The following CXCL12 variants were observed in gnomAD, a reference collection of about 807,000 sequenced individuals.
CXCL12 encodes stromal cell-derived factor 1.
In CXCL12, 4 loss-of-function variants were observed where a neutral mutation model predicts 10.7. That is an observed-to-expected ratio of 0.37 (90% CI 0.18 to 0.86). The LOEUF (loss-of-function observed/expected upper bound fraction) is 0.86. Among genes scored for constraint, CXCL12 ranks in the 40% least tolerant of loss-of-function variants. CXCL12 has a pLI of 0.43. For synonymous variants in CXCL12, 54 were observed against 45.4 expected, an observed-to-expected ratio of 1.19 and a Z score of -0.77; for missense variants, 122 against 110.4, an observed-to-expected ratio of 1.10 and a Z score of -0.47.
rs750326507 is a variant in CXCL12, at chr10:44,378,607, C to A, written c.*26G>T. ...TTTAGTTTTCCTCGAGTGGGTCTAG[C>A]GGAAAGTCCTTTTTGGCTGTTGTGC... is the stretch of plus-strand genomic sequence containing the variant. On this transcript the variant is annotated 3_prime_UTR_variant, in exon 3 of 3. Transcript: ENST00000343575. 1 of 1,613,966 alleles carries A rather than the reference C, an allele frequency of 6.2e-7. No homozygotes were observed. The highest frequency in any genetic ancestry group is 1.1e-5 in the South Asian group (1 of 91,068).
In CXCL12 at chr10:44,380,851, G is replaced by A. The variant is rs1839609248; in HGVS notation, c.91C>T (p.Pro31Ser). The A allele has an allele frequency of 6.2e-7, 1 of 1,614,200 alleles. No individual in the cohort carries two copies. Among genetic ancestry groups the A allele is most frequent in the Non-Finnish European group, 8.5e-7 (1 of 1,180,042 alleles). ...GKPVSLSYRC[P>S]CRFFESHVAR... ...ACATGGCTTTCGAAGAATCGGCATG[G>A]GCATCTGTAGCTCAGGCTGACGGGC... Residue 31 changes from proline (P) to serine (S), a missense_variant, in exon 2 of 3, where the codon CCA becomes TCA. By Grantham distance (74) the Pro-to-Ser change is moderately conservative. Transcript: ENST00000343575.
Position 44,377,855 on chromosome 10 carries a change from G to A in CXCL12, c.*778C>T, listed in dbSNP as rs1469712458. The A allele has an allele frequency of 1.3e-6, 2 of 1,588,314 alleles. No individual in the cohort carries two copies. The highest frequency in any genetic ancestry group is 2.3e-5 in the East Asian group (1 of 44,440). ...GGCCCTGGGAGGAGAGGGATGCAGG[G>A]CACGAGCCCCAGCAATCACCCTCTT... On this transcript the variant is annotated 3_prime_UTR_variant, in exon 3 of 3. Transcript: ENST00000343575.
chr10:44,370,379 T>A (rs1338906553), exon 4 of CXCL12: 1 of 152,596 alleles, frequency 6.6e-6, no homozygotes, highest in Non-Finnish European at 1.5e-5. Context: ...ATTCATCACA[T>A]TTAACACTGA....
downstream of CXCL12, chr10:44,376,134 G>A: frequency 7.6e-7 from 1 of 1,312,660 alleles, no homozygotes; most frequent in African/African-American, 1.5e-5. Flanking sequence ...GTTAAACTGT[G>A]CCTTCAGTCT....
Position 44,378,647 on chromosome 10 carries a change from C to A in CXCL12, c.256G>T (p.Ala86Ser), listed in dbSNP as rs151112059. ...LKWIQEYLEK[A>S]LNK ...GGCTGTTGTGCTTACTTGTTTAAAG[C>A]TTTCTCCAGGTACTCCTGAATCCAC... Residue 86 changes from alanine (A) to serine (S), a missense_variant, in exon 3 of 3, where the codon GCT becomes TCT. Transcript: ENST00000343575. 122 of 1,614,074 alleles carry A rather than the reference C, an allele frequency of 7.6e-5. No homozygotes were observed. Among genetic ancestry groups the A allele is most frequent in the Non-Finnish European group, 1.0e-4 (120 of 1,180,046 alleles).
chr10:44,377,258 T>C lies in CXCL12; in HGVS notation c.*1375A>G, dbSNP rs1353937804. ...GCTGCAATCACATTTATATATCATA[T>C]ATATTTCTTTACAAATTGCCAGTAG... On this transcript the variant is annotated 3_prime_UTR_variant, in exon 3 of 3. Transcript: ENST00000343575. 7.0e-6 allele frequency: 7 copies of C among 1,001,790 alleles called. No individual in the cohort carries two copies. Among genetic ancestry groups the C allele is most frequent in the East Asian group, 1.1e-4 (1 of 9,022 alleles). The allele number at this position is 1,001,790 out of a possible 1,614,324, so 62.1% of individuals were successfully genotyped here. A position where few individuals can be genotyped will look rare whatever the true frequency, so the allele number is the denominator to read the frequency against.
At chr10:44,383,711 G>C (rs973904459) in intron 1 of CXCL12, among the ~76,000 whole-genome samples, 3 of 148,398 alleles carry the variant, frequency 2.0e-5, no homozygotes, top group Admixed American at 1.4e-4. Flanking sequence ...CACTTAGGCA[G>C]TCCGCCACGA....
At chr10:44,384,802 A>T in intron 1 of CXCL12, 143 bp downstream of exon 1, 6 of 763,888 alleles carry the variant, frequency 7.9e-6, no homozygotes, top group Non-Finnish European at 9.9e-6. Flanking sequence ...ACCGCACCAG[A>T]GCGCCCAGCT....
chr10:44,373,150 A>G (rs1839357714), downstream of CXCL12: 1 of 1,536,970 alleles, frequency 6.5e-7, no homozygotes, highest in Non-Finnish European at 8.8e-7. Context: ...AATGAAAAAT[A>G]AATGTCATGT....
Position 44,380,751 on chromosome 10 carries a change from T to A in CXCL12, c.179+12A>T, listed in dbSNP as rs748832547. On this transcript the variant is annotated intron_variant, in intron 2 of 2. Transcript: ENST00000343575. ...CTATGTTCGTTAGATGATGTTCAAT[T>A]TCAAGACTTACACAATCTGAAGGGC... is the stretch of plus-strand genomic sequence containing the variant. 19 of 1,600,704 alleles carry A rather than the reference T, an allele frequency of 1.2e-5. No individual in the cohort carries two copies. Among genetic ancestry groups the A allele is most frequent in the Admixed American group, 1.7e-5 (1 of 59,996 alleles).
chr10:44,371,246 T>A (rs1393701794), downstream of CXCL12: 3 of 304,486 alleles, frequency 9.9e-6, no homozygotes, highest in East Asian at 1.2e-4. Flanking sequence ...TTTTCTCCCA[T>A]GGAGGAGAAA....
exon 4 of CXCL12, chr10:44,370,243 ATTG>A (rs1373110928): frequency 1.3e-5 from 2 of 152,518 alleles, no homozygotes; most frequent in East Asian, 3.9e-4. Context: ...CAAAGTAGAA[ATTG>A]TTGTTTCTCA....
chr10:44,384,446 A>G (rs1297776117), intron 1 of CXCL12, among the ~76,000 whole-genome samples: 2 of 152,184 alleles, frequency 1.3e-5, no homozygotes, highest in Non-Finnish European at 2.9e-5. Flanking sequence ...GCGCGGCTGC[A>G]TCGGACCTCA....
exon 4 of CXCL12, chr10:44,370,627 G>C (rs1013762211): frequency 2.0e-5 from 3 of 152,246 alleles, no homozygotes; most frequent in African/African-American, 7.2e-5. Context: ...CAGTCAGGGA[G>C]CCCACGGTGA....
intron 2 of CXCL12, among the ~76,000 whole-genome samples, chr10:44,379,119 T>C (rs2839693): frequency 0.83 from 126,838 of 151,986 alleles, 53,232 homozygotes; most frequent in Admixed American, 0.91. Flanking sequence ...ATGCTCTAGG[T>C]ACCTGGGGAG....
chr10:44,381,812 G>A (rs1839640721), intron 1 of CXCL12, among the ~76,000 whole-genome samples: 1 of 152,092 alleles, frequency 6.6e-6, no homozygotes. Flanking sequence ...TTGAACTTGT[G>A]GATCCTTTCA....
intron 2 of CXCL12, 149 bp downstream of exon 2, chr10:44,380,611 CATG>C (rs898161853): frequency 1.4e-6 from 1 of 721,610 alleles, no homozygotes; most frequent in Non-Finnish European, 2.5e-6. Flanking sequence ...TAAAGGTCCT[CATG>C]ATAAGAATAG....
chr10:44,377,716 A>C lies in CXCL12; in HGVS notation c.*917T>G. 5 of 1,598,118 alleles carry C rather than the reference A, an allele frequency of 3.1e-6. No individual in the cohort carries two copies. Among genetic ancestry groups the C allele is most frequent in the Non-Finnish European group, 4.2e-6 (5 of 1,179,738 alleles). ...TTTAAAATTGCATTTGATTCTGTAA[A>C]GACTTGTCTTTTGCGGGTAAGCAGG... On this transcript the variant is annotated 3_prime_UTR_variant, in exon 3 of 3. Transcript: ENST00000343575.
Position 44,377,520 on chromosome 10 carries a change from G to A in CXCL12, c.*1113C>T, listed in dbSNP as rs1336406428. ...GTCACCTTGCCAACAGTTCTGATTG[G>A]AACCTGAAACCCTGCTGTGGCTTCA... is the stretch of plus-strand genomic sequence containing the variant. On this transcript the variant is annotated 3_prime_UTR_variant, in exon 3 of 3. Coordinates refer to ENST00000343575, the MANE Select transcript of CXCL12 (RefSeq NM_199168.4). The A allele has an allele frequency of 4.3e-6, 6 of 1,405,348 alleles. No homozygotes were observed. Among genetic ancestry groups the A allele is most frequent in the Non-Finnish European group, 4.6e-6 (5 of 1,084,746 alleles). The allele number at this position is 1,405,348 out of a possible 1,614,324, so 87.1% of individuals were successfully genotyped here.
Sources: allele counts gnomAD v4.1 joint callset (sites outside exome capture counted in the v4.1 genomes callset), GRCh38; gene constraint gnomAD v4.1.1; transcripts MANE v1.5; gene names NCBI Gene and HGNC (gene_info 2026-07-23, HGNC 2026-07-21).